TRAPPC9: variants seen among roughly 807,000 people sequenced by gnomAD.
TRAPPC9 encodes the protein IKK2 binding protein.
In TRAPPC9, 83 loss-of-function variants were observed where a neutral mutation model predicts 124.0. The ratio of observed to expected loss-of-function variants is 0.67; its 90% CI spans 0.56 to 0.80. TRAPPC9 has a LOEUF of 0.80. Among genes scored for constraint, TRAPPC9 ranks in the 30% least tolerant of loss-of-function variants. The pLI, the probability that TRAPPC9 is intolerant of heterozygous loss-of-function variation, is 0.00. For synonymous variants in TRAPPC9, 638 were observed against 617.5 expected, an observed-to-expected ratio of 1.03 and a Z score of -0.49; for missense variants, 1,302 against 1,508.3, an observed-to-expected ratio of 0.86 and a Z score of 2.27.
intron 18 of TRAPPC9, among the ~76,000 whole-genome samples, chr8:139,993,792 T>C (rs1440368683): frequency 6.6e-6 from 1 of 152,124 alleles, no homozygotes; most frequent in African/African-American, 2.4e-5. Context: ...AGATATACAA[T>C]ATATATGTAT....
chr8:140,435,332 A>G, intron 3 of TRAPPC9, 92 bp from the exon 4 acceptor site: 1 of 1,468,786 alleles, frequency 6.8e-7, no homozygotes, highest in Non-Finnish European at 9.4e-7. Context: ...ATTAGCTCAA[A>G]CTGCAGTAAC....
intron 8 of TRAPPC9, among the ~76,000 whole-genome samples, chr8:140,367,135 G>A (rs1443262592): frequency 6.6e-6 from 1 of 152,194 alleles, no homozygotes; most frequent in African/African-American, 2.4e-5. Flanking sequence ...ATGCAAAATG[G>A]TTCAGCCACT....
rs539001145 is a variant in TRAPPC9 at position 139,777,143 on chromosome 8, T to C, written c.3056-44941A>G. On this transcript the variant is annotated intron_variant, in intron 21 of 22. Coordinates refer to ENST00000438773, the MANE Select transcript of TRAPPC9 (RefSeq NM_001160372.4). Reference sequence around the variant, plus strand: ...TCCAGGAAGTGTTTTCTCTACCGCATGGTCAAAATTAAACACAGTCCCCTT... The same window carrying C: ...TCCAGGAAGTGTTTTCTCTACCGCACGGTCAAAATTAAACACAGTCCCCTT... Among the ~76,000 whole-genome samples, 7 of 152,330 alleles carry C rather than the reference T, an allele frequency of 4.6e-5. No homozygotes were observed. In the South Asian group the frequency reaches 1.2e-3, roughly 27 times the overall value.
At chr8:139,963,749 C>CAAAAAAAAAA (rs58224556) in intron 19 of TRAPPC9, among the ~76,000 whole-genome samples, 6 of 107,352 alleles carry the variant, frequency 5.6e-5, no homozygotes, top group African/African-American at 8.0e-5. Context: ...CCAGTTCTAC[C>CAAAAAAAAAA]AAAAAAAAAA....
chr8:139,976,456 C>T (rs1157883603), intron 19 of TRAPPC9, among the ~76,000 whole-genome samples: 3 of 152,140 alleles, frequency 2.0e-5, no homozygotes, highest in East Asian at 1.9e-4. Context: ...TTTCTCTCAC[C>T]GCTAAGAAAA....
chr8:140,008,755 AG>A (rs1838930904), intron 18 of TRAPPC9, among the ~76,000 whole-genome samples: 1 of 152,238 alleles, frequency 6.6e-6, no homozygotes, highest in Non-Finnish European at 1.5e-5. Context: ...TGGTTTTTTT[AG>A]AAAATTGGAA....
intron 17 of TRAPPC9, among the ~76,000 whole-genome samples, chr8:140,033,863 G>A (rs1251906919): frequency 6.6e-6 from 1 of 151,684 alleles, no homozygotes; most frequent in African/African-American, 2.4e-5. Context: ...TGTGTTTCTA[G>A]TAGAGACAGG....
At chr8:139,983,375 T>C (rs1837036590) in intron 19 of TRAPPC9, among the ~76,000 whole-genome samples, 1 of 152,146 alleles carries the variant, frequency 6.6e-6, no homozygotes, top group South Asian at 2.1e-4. Flanking sequence ...CATTTCCATA[T>C]TCTCATCACC....
chr8:140,307,219 T>C (rs902143671), intron 10 of TRAPPC9, among the ~76,000 whole-genome samples: 1 of 152,166 alleles, frequency 6.6e-6, no homozygotes, highest in African/African-American at 2.4e-5. Flanking sequence ...CTGGAGGTGA[T>C]GAGCCACTCT....
intron 17 of TRAPPC9, among the ~76,000 whole-genome samples, chr8:140,203,302 T>A (rs560594270): frequency 6.6e-6 from 1 of 152,382 alleles, no homozygotes; most frequent in East Asian, 1.9e-4. Context: ...CTGAGTGATA[T>A]ACACTCTGGC....
At chr8:139,841,663 G>A (rs1826737659) in intron 21 of TRAPPC9, among the ~76,000 whole-genome samples, 1 of 152,214 alleles carries the variant, frequency 6.6e-6, no homozygotes, top group Admixed American at 6.5e-5. Flanking sequence ...ATGGATGCAG[G>A]AGCTCCTGGT....
chr8:140,210,215 C>T (rs1193956541), intron 17 of TRAPPC9, among the ~76,000 whole-genome samples: 1 of 152,228 alleles, frequency 6.6e-6, no homozygotes, highest in Non-Finnish European at 1.5e-5. Context: ...CCGAGCCTGC[C>T]TCTGCCGCTG....
intron 9 of TRAPPC9, among the ~76,000 whole-genome samples, chr8:140,335,551 T>C (rs1357282039): frequency 6.6e-6 from 1 of 152,076 alleles, no homozygotes; most frequent in African/African-American, 2.4e-5. Context: ...CAGGATCCTA[T>C]GAGACATTCA....
Position 140,024,091 on chromosome 8 carries a change from TAA to T in TRAPPC9, c.2557-14_2557-13del, listed in dbSNP as rs111869504. 1 of 1,466,498 alleles carries T rather than the reference TAA, an allele frequency of 6.8e-7. No individual in the cohort carries two copies. 90.8% of individuals were successfully genotyped at this position (1,466,498 alleles called of 1,614,324 possible). A position where few individuals can be genotyped will look rare whatever the true frequency, so the allele number is the denominator to read the frequency against. On this transcript the variant is annotated splice_polypyrimidine_tract_variant and intron_variant, in intron 17 of 22. Coordinates refer to ENST00000438773, the MANE Select transcript of TRAPPC9 (RefSeq NM_001160372.4). ...ACAGCTTCCAGGGTCTAAAAGATAT[TAA>T]AAAAAAAAATACACACACACACATT...
chr8:140,407,173 G>A (rs2069525036), intron 5 of TRAPPC9, among the ~76,000 whole-genome samples: 1 of 152,222 alleles, frequency 6.6e-6, no homozygotes, highest in African/African-American at 2.4e-5. Flanking sequence ...AGATCCTACA[G>A]AGATTAAATC....
At chr8:140,247,739 T>C (rs1445572563) in intron 16 of TRAPPC9, among the ~76,000 whole-genome samples, 1 of 152,220 alleles carries the variant, frequency 6.6e-6, no homozygotes, top group Admixed American at 6.5e-5. Context: ...TCACTTTCTC[T>C]TTAATCATCT....
At chr8:140,183,566 C>T (rs929623759) in intron 17 of TRAPPC9, among the ~76,000 whole-genome samples, 4 of 152,076 alleles carry the variant, frequency 2.6e-5, no homozygotes, top group Non-Finnish European at 5.9e-5. Flanking sequence ...GAAATGGAGA[C>T]CTGGCTGGGC....
At chr8:139,747,293 C>T (rs146066490) in intron 21 of TRAPPC9, among the ~76,000 whole-genome samples, 8 of 152,204 alleles carry the variant, frequency 5.3e-5, no homozygotes, top group African/African-American at 1.2e-4. Context: ...AGATCATACA[C>T]GTGGGCACGG....
At chr8:139,917,069 C>T (rs1026884684) in intron 19 of TRAPPC9, among the ~76,000 whole-genome samples, 2 of 151,630 alleles carry the variant, frequency 1.3e-5, no homozygotes, top group Non-Finnish European at 2.9e-5. Context: ...GGCGTGAACA[C>T]GGACGTATGG....
Sources: allele counts gnomAD v4.1 joint callset (sites outside exome capture counted in the v4.1 genomes callset), GRCh38; gene constraint gnomAD v4.1.1; transcripts MANE v1.5; gene names NCBI Gene and HGNC (gene_info 2026-07-23, HGNC 2026-07-21).